The following WDR86 variants were observed in gnomAD, a reference collection of about 807,000 sequenced individuals.
The protein encoded by WDR86 is WD repeat-containing protein 86.
In WDR86, 30 loss-of-function variants were observed where a neutral mutation model predicts 36.5. That is an observed-to-expected ratio of 0.82 (90% confidence interval 0.61 to 1.11). The LOEUF (loss-of-function observed/expected upper bound fraction) is 1.11. Ranked by LOEUF, WDR86 falls within the 50% of genes most tolerant of loss-of-function variation. WDR86 has a pLI of 0.00. For synonymous variants in WDR86, 255 were observed against 252.9 expected (o/e 1.01, Z -0.08); for missense variants, 545 against 561.2 (o/e 0.97, Z 0.29).
Position 151,409,450 on chromosome 7 carries a change from C to T in WDR86, c.140G>A (p.Gly47Asp). 1.3e-6 allele frequency: 2 copies of T among 1,545,220 alleles called. No individual in the cohort carries two copies. ...ACCTTGCAGGAGCGCGCAGCACTGG[C>T]CGTCCGCGGTGCTCCAGAGCCGGGC... ...GTARLWSTAD[G>D]QCCALLQGHE... Residue 47 changes from glycine (G) to aspartate (D), a missense_variant, in exon 1 of 6, where the codon GGC (glycine) becomes GAC (aspartate). Coordinates refer to ENST00000334493, the MANE Select transcript of WDR86 (RefSeq NM_198285.3). The surrounding 1 kb of genome is among the most constrained non-coding windows in gnomAD (Gnocchi z 5.2).
At chr7:151,369,012 C>CTTTTT in the WDR86 span, 1 of 1,001,458 alleles carries the variant, frequency 1.0e-6, no homozygotes, top group Non-Finnish European at 1.4e-6. Context: ...GAAACTTGTC[C>CTTTTT]TTTTTTTTTT....
At chr7:151,380,564 A>G (rs1798499605), downstream of WDR86, among the ~76,000 whole-genome samples, 1 of 152,034 alleles carries the variant, frequency 6.6e-6, no homozygotes, top group Admixed American at 6.5e-5. Flanking sequence ...AGAAAGTGGC[A>G]CCATCAAGGG....
At chr7:151,397,730 GGTGTA>G (rs1799948247) in intron 2 of WDR86, among the ~76,000 whole-genome samples, 3 of 109,574 alleles carry the variant, frequency 2.7e-5, no homozygotes, top group South Asian at 6.2e-4. Flanking sequence ...GGAGGAAGAG[GGTGTA>G]GCGGGAGGAA....
rs1466660364 is a variant in WDR86, at chr7:151,401,880, TCTA to T, written c.164-1642_164-1640del. ...CTGGCTAAGATGGTGAAACCCCGTC[TCTA>T]CTAAAAATACAAAAAATTAGCCGGG... On this transcript the variant is annotated intron_variant, in intron 1 of 5. Transcript: ENST00000334493. This position sits in a 1 kb window ranked among gnomAD's most constrained non-coding sequence, Gnocchi z 4.3. Among the ~76,000 whole-genome samples the T allele has an allele frequency of 1.0e-4, 15 of 150,514 alleles. No individual in the cohort carries two copies. The highest frequency in any genetic ancestry group is 4.2e-4 in the South Asian group (2 of 4,774).
chr7:151,409,438 G>T lies in WDR86; in HGVS notation c.152C>A (p.Ala51Glu). Residue 51 changes from alanine to glutamate, a missense_variant, in exon 1 of 6, where the codon GCG becomes GAG. Transcript: ENST00000334493. The surrounding 1 kb of genome is among the most constrained non-coding windows in gnomAD (Gnocchi z 5.2). The part of the protein sequence containing the change: ...LWSTADGQCC[A>E]LLQGHESYVT... The stretch of plus-strand genomic sequence containing the variant: ...GTGGGAGGGTCTACCTTGCAGGAGC[G>T]CGCAGCACTGGCCGTCCGCGGTGCT... The T allele has an allele frequency of 6.5e-7, 1 of 1,550,200 alleles. No individual in the cohort carries two copies. Among genetic ancestry groups the T allele is most frequent in the East Asian group, 2.4e-5 (1 of 41,642 alleles).
Position 151,400,236 on chromosome 7 carries a change from C to G in WDR86, c.169G>C (p.Glu57Gln). ...AGCTGGCAGAAGGTCACATAGCTTT[C>G]ATGTCCTGCAGATGAGGGACAGGGG... ...GQCCALLQGH[E>Q]SYVTFCQLED... Residue 57 changes from glutamate (E) to glutamine (Q), a missense_variant, in exon 2 of 6, where the codon GAA becomes CAA. By Grantham distance (29) the Glu-to-Gln change is conservative. Coordinates refer to ENST00000334493, the MANE Select transcript of WDR86 (RefSeq NM_198285.3). 1 of 1,606,244 alleles carries G rather than the reference C, an allele frequency of 6.2e-7. No individual in the cohort carries two copies. The highest frequency in any genetic ancestry group is 1.1e-5 in the South Asian group (1 of 89,454).
intron 3 of WDR86, among the ~76,000 whole-genome samples, chr7:151,392,552 T>C (rs1264081650): frequency 1.3e-5 from 2 of 152,110 alleles, no homozygotes; most frequent in African/African-American, 2.4e-5. Context: ...TCGGAGCCCC[T>C]GCGGAGCGCC....
chr7:151,402,744 T>C (rs566560314), intron 1 of WDR86, among the ~76,000 whole-genome samples: 49 of 152,306 alleles, frequency 3.2e-4, no homozygotes, highest in Middle Eastern at 3.4e-3. Flanking sequence ...TCTCAGCACC[T>C]GAGCTACCCC....
downstream of WDR86, chr7:151,378,118 T>C (rs988267788): frequency 4.6e-5 from 7 of 152,188 alleles, no homozygotes; most frequent in African/African-American, 1.7e-4. Context: ...TTTCTAAAAG[T>C]ATGTAGTTCG....
chr7:151,374,479 C>T (rs1307890922), downstream of WDR86: 1 of 603,222 alleles, frequency 1.7e-6, no homozygotes, highest in Non-Finnish European at 3.0e-6. Flanking sequence ...TGCCTGTCCA[C>T]ACCAGCACAG....
intron 1 of WDR86, among the ~76,000 whole-genome samples, chr7:151,407,713 C>T (rs1472513246): frequency 6.6e-6 from 1 of 152,158 alleles, no homozygotes; most frequent in African/African-American, 2.4e-5. Context: ...TGGTGGCGAG[C>T]ACCTGTAATC....
At chr7:151,396,737 G>A (rs774432005) in intron 2 of WDR86, among the ~76,000 whole-genome samples, 5 of 152,236 alleles carry the variant, frequency 3.3e-5, no homozygotes, top group Non-Finnish European at 7.3e-5. Context: ...GAGAGCACTG[G>A]GAACTCCCAT....
rs541294089 is a variant in WDR86 at position 151,391,863 on chromosome 7, G to A, written c.726+3913C>T. ...CCCAGCCCCGCCCCTCCCACGCACC[G>A]TGAGGCTGACACCTCATCCCACCCG... On this transcript the variant is annotated intron_variant, in intron 3 of 5. Coordinates refer to ENST00000334493, the MANE Select transcript of WDR86 (RefSeq NM_198285.3). Among the ~76,000 whole-genome samples the A allele has an allele frequency of 6.9e-3, 395 of 57,580 alleles. 2 individuals are homozygous for A. Among genetic ancestry groups the A allele is most frequent in the Middle Eastern group, 0.014 (2 of 138 alleles). 37.8% of individuals were successfully genotyped at this position (57,580 alleles called of 152,430 possible). A position where few individuals can be genotyped will look rare whatever the true frequency, so the allele number is the denominator to read the frequency against.
intron 1 of WDR86, among the ~76,000 whole-genome samples, chr7:151,404,401 C>A (rs1016500439): frequency 6.6e-6 from 1 of 152,166 alleles, no homozygotes; most frequent in Admixed American, 6.5e-5. Context: ...GAACACACGC[C>A]CAAGTGAGTC....
chr7:151,389,869 T>C (rs1799288140), intron 3 of WDR86, among the ~76,000 whole-genome samples: 1 of 152,186 alleles, frequency 6.6e-6, no homozygotes, highest in Admixed American at 6.5e-5. Context: ...TCTGCTTCAA[T>C]CTTAGATAGC....
At chr7:151,382,843 G>A (rs149119869) in intron 4 of WDR86, among the ~76,000 whole-genome samples, 119 of 152,304 alleles carry the variant, frequency 7.8e-4, no homozygotes, top group Middle Eastern at 3.4e-3. Flanking sequence ...GTCTGTCAAT[G>A]AGCAGGTAAC....
At chr7:151,399,667 A>G (rs1461670456) in intron 2 of WDR86, among the ~76,000 whole-genome samples, 1 of 152,246 alleles carries the variant, frequency 6.6e-6, no homozygotes, top group Non-Finnish European at 1.5e-5. Flanking sequence ...AAGAAAGGAG[A>G]GGCTTAAAAA....
chr7:151,370,876 G>C, the WDR86 span, among the ~76,000 whole-genome samples: 2 of 152,088 alleles, frequency 1.3e-5, no homozygotes, highest in African/African-American at 4.8e-5. Flanking sequence ...TTTAAAATGA[G>C]ATCATTTGGA....
At chr7:151,397,627 G>GTAGCGGGAGGAAGGGCA (rs74205731) in intron 2 of WDR86, among the ~76,000 whole-genome samples, 2 of 144,776 alleles carry the variant, frequency 1.4e-5, no homozygotes, top group South Asian at 2.2e-4. Flanking sequence ...GGAAGAGGGT[G>GTAGCGGGAGGAAGGGCA]TAGCGGGAGG....
Sources: allele counts gnomAD v4.1 joint callset (sites outside exome capture counted in the v4.1 genomes callset), GRCh38; gene constraint gnomAD v4.1.1; non-coding constraint Gnocchi (gnomAD v3.1); transcripts MANE v1.5; gene names NCBI Gene and HGNC (gene_info 2026-07-23, HGNC 2026-07-21).